Variants in KMT2C observed in about 807,000 individuals in gnomAD.
The protein encoded by KMT2C is lysine methyltransferase 2C, also known as histone-lysine N-methyltransferase 2C.
A neutral mutation model predicts 507.9 loss-of-function variants in KMT2C; 88 were observed. That is an observed-to-expected ratio of 0.17 (90% CI 0.15 to 0.21). The LOEUF (loss-of-function observed/expected upper bound fraction) is 0.21. KMT2C is among the 10% of genes least tolerant of loss of function. KMT2C has a pLI of 1.00. For missense variants in KMT2C, 4,954 were observed against 5,957.8 expected (o/e 0.83, Z 5.55); for synonymous variants, 2,049 against 2,080.8 (o/e 0.98, Z 0.42).
chr7:152,243,251 C>CA (rs1456170812), intron 14 of KMT2C, among the ~76,000 whole-genome samples: 3 of 152,142 alleles, frequency 2.0e-5, no homozygotes, highest in African/African-American at 7.2e-5. Flanking sequence ...GTAATATCTC[C>CA]AAAAATACCA....
chr7:152,326,336 T>G (rs1488642781), intron 3 of KMT2C, among the ~76,000 whole-genome samples: 2 of 152,206 alleles, frequency 1.3e-5, no homozygotes, highest in East Asian at 3.8e-4. Flanking sequence ...CTATTATGTC[T>G]GTGATCCTTA....
chr7:152,161,260 T>G, intron 43 of KMT2C, among the ~76,000 whole-genome samples: 1 of 152,048 alleles, frequency 6.6e-6, no homozygotes, highest in South Asian at 2.1e-4. Flanking sequence ...AAAGCAACAC[T>G]TGCAAAAAGA....
intron 9 of KMT2C, among the ~76,000 whole-genome samples, chr7:152,259,405 G>A (rs1370164588): frequency 2.7e-5 from 4 of 150,770 alleles, no homozygotes; most frequent in Non-Finnish European, 5.9e-5. Flanking sequence ...AATAGTAGGG[G>A]GTTAGGGGGA....
intron 6 of KMT2C, among the ~76,000 whole-genome samples, chr7:152,309,476 A>C (rs2096650725): frequency 2.8e-5 from 4 of 143,974 alleles, no homozygotes; most frequent in East Asian, 2.1e-4. Flanking sequence ...CATGTGCACC[A>C]GCATGCCCGG....
chr7:152,412,363 T>C lies in KMT2C; in HGVS notation c.161+23263A>G, dbSNP rs537315128. Among the ~76,000 whole-genome samples the C allele has an allele frequency of 1.4e-3, 218 of 152,346 alleles. 2 individuals are homozygous for C. The highest frequency in any genetic ancestry group is 5.1e-3 in the African/African-American group (214 of 41,578). On this transcript the variant is annotated intron_variant, in intron 1 of 58. Transcript: ENST00000262189. ...TTGCAGTGAGCTGAGATCCTGCCAC[T>C]GCACTCCAGCCTGGGCGACAGAGCA...
rs1388322351 is a variant in KMT2C, at chr7:152,162,892, G to A, written c.10685C>T (p.Pro3562Leu). The change falls in exon 43 of 59, where the codon CCA becomes CTA. Residue 3562 changes from proline (P) to leucine (L), a missense_variant. Around this residue, in one of 29 missense-constraint regions of KMT2C, gnomAD observed 801 missense variants for 751.2 expected, o/e 1.07. Transcript: ENST00000262189. ...SFTPALPAAP[P>L]VANSSLPCGQ... Reference sequence around the variant, plus strand: ...ACATGGGAGACTGCTATTAGCTACTGGAGGTGCTGCTGGTAAAGCAGGTGT... The same window carrying A: ...ACATGGGAGACTGCTATTAGCTACTAGAGGTGCTGCTGGTAAAGCAGGTGT... 1.2e-6 allele frequency: 2 copies of A among 1,614,154 alleles called. No homozygotes were observed. Among genetic ancestry groups the A allele is most frequent in the Non-Finnish European group, 1.7e-6 (2 of 1,180,020 alleles).
At chr7:152,139,007 T>G (rs150056426) in intron 57 of KMT2C, 103 bp from the exon 58 acceptor site, 1 of 1,056,546 alleles carries the variant, frequency 9.5e-7, no homozygotes, top group Non-Finnish European at 1.5e-6. Context: ...TAAATTTCTA[T>G]TTGCCCATTG....
intron 5 of KMT2C, among the ~76,000 whole-genome samples, chr7:152,310,520 G>A (rs1414668111): frequency 3.9e-5 from 6 of 152,092 alleles, no homozygotes; most frequent in Admixed American, 2.6e-4. Flanking sequence ...AGCTGAGATC[G>A]CACCACTGCA....
intron 3 of KMT2C, among the ~76,000 whole-genome samples, chr7:152,318,441 C>T (rs1326966995): frequency 6.7e-6 from 1 of 149,714 alleles, no homozygotes; most frequent in African/African-American, 2.5e-5. Context: ...ACCACCCACC[C>T]ACCCCCTCCC....
chr7:152,401,738 G>A (rs556130746), intron 1 of KMT2C, among the ~76,000 whole-genome samples: 16 of 152,324 alleles, frequency 1.1e-4, no homozygotes, highest in Admixed American at 5.2e-4. Flanking sequence ...ACAATACAGC[G>A]CATAACTGTT....
intron 7 of KMT2C, among the ~76,000 whole-genome samples, chr7:152,267,227 A>T (rs1226415597): frequency 1.2e-4 from 19 of 152,250 alleles, no homozygotes; most frequent in Admixed American, 3.3e-4. Flanking sequence ...ATGATTCCTA[A>T]ATCTGTATTA....
At chr7:152,367,273 A>C in intron 1 of KMT2C, 1 of 1,285,654 alleles carries the variant, frequency 7.8e-7, no homozygotes, top group Middle Eastern at 2.6e-4. Context: ...CAACATTCAA[A>C]GCAGCTGCCA....
At position 152,146,847 on chromosome 7, in the gene KMT2C, T is replaced by C. The variant is rs1010731564; in HGVS notation, c.13895-112A>G. 8.5e-6 allele frequency: 8 copies of C among 935,792 alleles called. No individual in the cohort carries two copies. The African/African-American group carries it at 1.3e-4, about 16-fold the overall frequency. 58.0% of individuals were successfully genotyped at this position (935,792 alleles called of 1,614,324 possible). A position where few individuals can be genotyped will look rare whatever the true frequency, so the allele number is the denominator to read the frequency against. ...GATTTACTAATTTCCAAATAAATCC[T>C]GTTGGGCAATAATCTAATAAATCTG... On this transcript the variant is annotated intron_variant, in intron 52 of 58. Coordinates refer to ENST00000262189, the MANE Select transcript of KMT2C (RefSeq NM_170606.3).
chr7:152,369,802 C>T (rs1049877940), intron 1 of KMT2C, among the ~76,000 whole-genome samples: 8 of 152,156 alleles, frequency 5.3e-5, no homozygotes, highest in Non-Finnish European at 1.2e-4. Flanking sequence ...GAACCATAAA[C>T]CAAATAAATC....
At chr7:152,396,177 TG>T (rs1487777193) in intron 1 of KMT2C, among the ~76,000 whole-genome samples, 1 of 152,168 alleles carries the variant, frequency 6.6e-6, no homozygotes, top group East Asian at 1.9e-4. Context: ...TCTCCTAAAC[TG>T]AATGTGCCTT....
chr7:152,332,794 G>A lies in KMT2C; in HGVS notation c.251-2055C>T, dbSNP rs546777420. 4.6e-5 allele frequency among the ~76,000 whole-genome samples: 7 copies of A among 151,662 alleles called. No individual in the cohort carries two copies. The South Asian group carries it at 1.5e-3, about 32-fold the overall frequency. On this transcript the variant is annotated intron_variant, in intron 2 of 58. Transcript: ENST00000262189. ...ACCTGGGAGATGGAAGTTGCAGTGA[G>A]CCGAGATCATGCCATTGCACTCCAG...
At chr7:152,330,529 A>G in intron 3 of KMT2C, 72 bp downstream of exon 3, 1 of 1,449,374 alleles carries the variant, frequency 6.9e-7, no homozygotes, top group Non-Finnish European at 9.6e-7. Flanking sequence ...TACTCCTTGA[A>G]TTTTCTCTAT....
intron 6 of KMT2C, among the ~76,000 whole-genome samples, chr7:152,287,423 G>A (rs1187283056): frequency 6.6e-6 from 1 of 152,134 alleles, no homozygotes; most frequent in Non-Finnish European, 1.5e-5. Flanking sequence ...AGTCAACAAA[G>A]GCCTACTAAG....
intron 9 of KMT2C, among the ~76,000 whole-genome samples, chr7:152,257,676 G>A (rs1338467834): frequency 1.3e-5 from 2 of 152,116 alleles, no homozygotes; most frequent in African/African-American, 4.8e-5. Context: ...GACAAGAACT[G>A]GAGGTACTGG....
Sources: gnomAD v4.1 joint callset for allele counts (sites outside exome capture counted in the v4.1 genomes callset) on GRCh38, gnomAD v4.1.1 for gene constraint, gnomAD v4.1.1 regional missense constraint, MANE v1.5 for transcripts, NCBI Gene and HGNC (gene_info 2026-07-23, HGNC 2026-07-21) for gene names.